KHNYN: variants seen among roughly 807,000 people sequenced by gnomAD.
KHNYN encodes protein KHNYN.
Under a neutral mutation model 62.7 loss-of-function variants are expected in KHNYN, and 42 were observed. That is an observed-to-expected ratio of 0.67 (90% CI 0.52 to 0.87). The LOEUF (loss-of-function observed/expected upper bound fraction) is 0.87, where lower values mean the gene tolerates loss of function less well. Among genes scored for constraint, KHNYN ranks in the 40% least tolerant of loss-of-function variants. The pLI is 0.00. For synonymous variants in KHNYN, 347 were observed against 345.6 expected, an observed-to-expected ratio of 1.00 and a Z score of -0.04; for missense variants, 829 against 874.1, an observed-to-expected ratio of 0.95 and a Z score of 0.65.
Position 24,440,609 on chromosome 14 carries a change from A to C in KHNYN, c.*3324A>C. The stretch of plus-strand genomic sequence containing the variant: ...CCCCATGCTGACTTGGCTCTGTAAC[A>C]GAAGTGAGCAGTATGGCTGTCTTTA... On this transcript the variant is annotated 3_prime_UTR_variant, in exon 8 of 8. Coordinates refer to ENST00000553935, the MANE Select transcript of KHNYN (RefSeq NM_015299.3). The C allele has an allele frequency of 7.2e-7, 1 of 1,389,660 alleles. No homozygotes were observed. The highest frequency in any genetic ancestry group is 9.9e-7 in the Non-Finnish European group (1 of 1,010,110). 86.1% of individuals were successfully genotyped at this position (1,389,660 alleles called of 1,614,324 possible).
Position 24,430,735 on chromosome 14 carries a change from C to T in KHNYN, c.5C>T (p.Pro2Leu). Residue 2 changes from proline to leucine, a missense_variant, in exon 2 of 8, where the codon CCT (proline) becomes CTT (leucine). Around this residue, in one of 2 missense-constraint regions of KHNYN, gnomAD observed 559 missense variants for 527.0 expected, o/e 1.06. Transcript: ENST00000553935. M[P>L]TWGARPASPD... The stretch of plus-strand genomic sequence containing the variant: ...CCAGGGCTGGGGGCAGCAGCCATGC[C>T]TACCTGGGGGGCCCGCCCCGCGTCC... The T allele has an allele frequency of 1.3e-6, 2 of 1,562,220 alleles. No homozygotes were observed. Among genetic ancestry groups the T allele is most frequent in the South Asian group, 2.4e-5 (2 of 85,076 alleles).
At position 24,439,568 on chromosome 14, in the gene KHNYN, G is replaced by A. The variant is rs2043261805; in HGVS notation, c.*2283G>A. The A allele has an allele frequency of 6.5e-6, 1 of 152,844 alleles. No individual in the cohort carries two copies. Among genetic ancestry groups the A allele is most frequent in the Non-Finnish European group, 1.5e-5 (1 of 68,564 alleles). The allele number at this position is 152,844 out of a possible 1,614,324, so 9.5% of individuals were successfully genotyped here. The stretch of plus-strand genomic sequence containing the variant: ...AAATGGATCATCATTCTCTCTTCTA[G>A]TGTCTATCTTTATCATAACCTGATG... On this transcript the variant is annotated 3_prime_UTR_variant, in exon 8 of 8. Coordinates refer to ENST00000553935, the MANE Select transcript of KHNYN (RefSeq NM_015299.3).
Position 24,436,494 on chromosome 14 carries a change from T to C in KHNYN, c.1787+5T>C. ...ATTTCTGAAGAAGCCAGCCAGGTAATCAATCCCCTAGACTACTTACAGGCA... is the reference window on the plus strand; with the variant it reads ...ATTTCTGAAGAAGCCAGCCAGGTAACCAATCCCCTAGACTACTTACAGGCA... On this transcript the variant is annotated splice_donor_5th_base_variant and intron_variant, in intron 7 of 7. Transcript: ENST00000553935. The C allele has an allele frequency of 6.2e-7, 1 of 1,608,566 alleles. No individual in the cohort carries two copies.
chr14:24,432,136 T>C lies in KHNYN; in HGVS notation c.875T>C (p.Val292Ala), dbSNP rs772876064. ...EREVALRPQS[V>A]GGGARESAPL... The stretch of plus-strand genomic sequence containing the variant: ...GAAGTGGCCCTCAGGCCACAGTCAG[T>C]GGGTGGAGGGGCAAGGGAGTCAGCA... Residue 292 changes from valine to alanine, a missense_variant, in exon 3 of 8, where the codon GTG becomes GCG. Around this residue, in one of 2 missense-constraint regions of KHNYN, gnomAD observed 559 missense variants for 527.0 expected, o/e 1.06. Coordinates refer to ENST00000553935, the MANE Select transcript of KHNYN (RefSeq NM_015299.3). This position sits in a 1 kb window ranked among gnomAD's most constrained non-coding sequence, Gnocchi z 5.6. 13 of 1,552,218 alleles carry C rather than the reference T, an allele frequency of 8.4e-6. No individual in the cohort carries two copies. In the South Asian group the frequency reaches 1.6e-4, roughly 19 times the overall value.
rs377748721 is a variant in KHNYN, at chr14:24,436,196, G to A, written c.1685+17G>A. On this transcript the variant is annotated intron_variant, in intron 6 of 7. Transcript: ENST00000553935. ...CAGAGAACGGTGAGGGAGCCCTCCCGCTGAGAACTGGGCACAGATGCAGAT... is the reference window on the plus strand; with the variant it reads ...CAGAGAACGGTGAGGGAGCCCTCCCACTGAGAACTGGGCACAGATGCAGAT... 124 of 1,589,212 alleles carry A rather than the reference G, an allele frequency of 7.8e-5. No individual in the cohort carries two copies. Among genetic ancestry groups the A allele is most frequent in the Admixed American group, 1.2e-4 (7 of 59,962 alleles).
At position 24,432,358 on chromosome 14, in the gene KHNYN, C is replaced by T. The variant is rs776180322; in HGVS notation, c.1097C>T (p.Pro366Leu). Residue 366 changes from proline to leucine, a missense_variant, in exon 3 of 8, where the codon CCC becomes CTC. Pro to Leu is a moderately conservative substitution (Grantham distance 98, BLOSUM62 -3). Coordinates refer to ENST00000553935, the MANE Select transcript of KHNYN (RefSeq NM_015299.3). This position sits in a 1 kb window ranked among gnomAD's most constrained non-coding sequence, Gnocchi z 5.6. The part of the protein sequence containing the change: ...RVPSPPPAPE[P>L]PWHCGDRGDC... ...CCCAGCCCTCCACCTGCACCGGAAC[C>T]CCCATGGCACTGTGGAGACCGGGGT... 2 of 1,614,028 alleles carry T rather than the reference C, an allele frequency of 1.2e-6. No individual in the cohort carries two copies. The highest frequency in any genetic ancestry group is 1.7e-6 in the Non-Finnish European group (2 of 1,179,998).
intron 2 of KHNYN, 56 bp downstream of exon 2, chr14:24,430,987 C>T (rs1358464178): frequency 1.3e-6 from 2 of 1,518,894 alleles, no homozygotes; most frequent in Non-Finnish European, 1.8e-6. Flanking sequence ...TCCCCCAGGG[C>T]GGAGGAGAGC....
intron 5 of KHNYN, among the ~76,000 whole-genome samples, chr14:24,433,887 G>C (rs919770128): frequency 6.6e-6 from 1 of 152,228 alleles, no homozygotes; most frequent in Non-Finnish European, 1.5e-5. Context: ...TAGGTGGTGT[G>C]AGAAATGAGC....
Position 24,430,137 on chromosome 14 carries a change from C to T in KHNYN, c.-18+18C>T. The T allele has an allele frequency of 8.1e-6, 8 of 983,720 alleles. No individual in the cohort carries two copies. The highest frequency in any genetic ancestry group is 9.7e-6 in the Non-Finnish European group (8 of 828,918). The allele number at this position is 983,720 out of a possible 1,614,324, so 60.9% of individuals were successfully genotyped here. On this transcript the variant is annotated intron_variant, in intron 1 of 7. Coordinates refer to ENST00000553935, the MANE Select transcript of KHNYN (RefSeq NM_015299.3). ...CGGAGGCGGTAGGCGCGCCCCTCCA[C>T]CGCGCCCGGGAGCGGGGAGCGGGGG...
In KHNYN at chr14:24,440,517, CA is replaced by C. The variant is rs1273737589; in HGVS notation, c.*3233del. The stretch of plus-strand genomic sequence containing the variant: ...CCTAGAGCAGGAAAGAGGGAAGGTA[CA>C]GGGGTCCTCTCAGCCTTGAAGGAGC... On this transcript the variant is annotated 3_prime_UTR_variant, in exon 8 of 8. Coordinates refer to ENST00000553935, the MANE Select transcript of KHNYN (RefSeq NM_015299.3). 31 of 1,583,894 alleles carry C rather than the reference CA, an allele frequency of 2.0e-5. No homozygotes were observed. The highest frequency in any genetic ancestry group is 2.6e-5 in the Non-Finnish European group (30 of 1,165,206).
At position 24,431,822 on chromosome 14, in the gene KHNYN, G is replaced by C. The variant is rs1307514999; in HGVS notation, c.561G>C (p.Gln187His). The change falls in exon 3 of 8, where the codon CAG (glutamine) becomes CAC (histidine). Residue 187 changes from glutamine (Q) to histidine (H), a missense_variant. This residue lies in a region of KHNYN where 559 missense variants were observed against 527.0 expected (regional missense o/e 1.06). Coordinates refer to ENST00000553935, the MANE Select transcript of KHNYN (RefSeq NM_015299.3). ...EALLQLPLAV[Q>H]EELLSLVQEA... Reference sequence around the variant, plus strand: ...TGTTGCAGTTGCCCCTGGCTGTCCAGGAGGAGCTGCTGAGTCTGGTGCAGG... The same window carrying C: ...TGTTGCAGTTGCCCCTGGCTGTCCACGAGGAGCTGCTGAGTCTGGTGCAGG... 5.0e-6 allele frequency: 8 copies of C among 1,613,938 alleles called. No individual in the cohort carries two copies. The highest frequency in any genetic ancestry group is 2.7e-5 in the African/African-American group (2 of 74,940).
intron 7 of KHNYN, among the ~76,000 whole-genome samples, chr14:24,436,797 A>T (rs2043211676): frequency 6.6e-6 from 1 of 152,144 alleles, no homozygotes; most frequent in Non-Finnish European, 1.5e-5. Flanking sequence ...TACATAAGTG[A>T]TTCATTTAGG....
At position 24,438,971 on chromosome 14, in the gene KHNYN, C is replaced by T. The variant is rs1213532762; in HGVS notation, c.*1686C>T. On this transcript the variant is annotated 3_prime_UTR_variant, in exon 8 of 8. Coordinates refer to ENST00000553935, the MANE Select transcript of KHNYN (RefSeq NM_015299.3). ...TCACCCCTTCCTTTTTGGTGATTTACACCACTGTACCATACTGACCCAGGC... is the reference window on the plus strand; with the variant it reads ...TCACCCCTTCCTTTTTGGTGATTTATACCACTGTACCATACTGACCCAGGC... 2 of 152,040 alleles carry T rather than the reference C, an allele frequency of 1.3e-5. No individual in the cohort carries two copies. The highest frequency in any genetic ancestry group is 2.4e-5 in the African/African-American group (1 of 41,384). 9.4% of individuals were successfully genotyped at this position (152,040 alleles called of 1,614,324 possible).
upstream of KHNYN, chr14:24,427,730 A>G (rs2043033844): frequency 6.6e-7 from 1 of 1,513,648 alleles, no homozygotes. This position sits in a 1 kb window ranked among gnomAD's most constrained non-coding sequence, Gnocchi z 4.4. Context: ...TTCTGGGGCA[A>G]GAGAGGGCAG....
Position 24,440,903 on chromosome 14 carries a change from C to T in KHNYN, c.*3618C>T. 6.2e-7 allele frequency: 1 copy of T among 1,614,044 alleles called. No homozygotes were observed. On this transcript the variant is annotated 3_prime_UTR_variant, in exon 8 of 8. Transcript: ENST00000553935. ...CCTGGGCTGTCTTCATCATACTCCG[C>T]AGTCAGACTGGGCTGGTAGTAAGCT... is the stretch of plus-strand genomic sequence containing the variant.
Position 24,441,773 on chromosome 14 carries a change from C to G in KHNYN, c.*4488C>G. The G allele has an allele frequency of 6.2e-7, 1 of 1,604,744 alleles. No individual in the cohort carries two copies. Among genetic ancestry groups the G allele is most frequent in the Non-Finnish European group, 8.5e-7 (1 of 1,177,080 alleles). On this transcript the variant is annotated 3_prime_UTR_variant, in exon 8 of 8. Transcript: ENST00000553935. ...GTCTCTAGGCGGCTGCCGATTACCT[C>G]TTTTTGGAAGGTTTCATTCCATCTG...
upstream of KHNYN, chr14:24,428,452 G>T (rs1242091976): frequency 6.2e-7 from 1 of 1,608,668 alleles, no homozygotes; most frequent in South Asian, 1.1e-5. Flanking sequence ...AATGCCCATG[G>T]CTCAGGGGTA....
chr14:24,431,304 A>C (rs1010932076), intron 2 of KHNYN, among the ~76,000 whole-genome samples, 159 bp from the exon 3 acceptor site: 4 of 152,152 alleles, frequency 2.6e-5, no homozygotes, highest in Non-Finnish European at 5.9e-5. Flanking sequence ...ATCATGTACC[A>C]GCTTTGTGAT....
At chr14:24,423,565 C>T in the KHNYN span, among the ~76,000 whole-genome samples, 1 of 152,178 alleles carries the variant, frequency 6.6e-6, no homozygotes, top group Non-Finnish European at 1.5e-5. Flanking sequence ...CTGCCGCTGA[C>T]CATGGGCCAT....
Sources: gnomAD v4.1 joint callset for allele counts (sites outside exome capture counted in the v4.1 genomes callset) on GRCh38, gnomAD v4.1.1 for gene constraint, gnomAD v4.1.1 regional missense constraint, Gnocchi (gnomAD v3.1) non-coding constraint, MANE v1.5 for transcripts, NCBI Gene and HGNC (gene_info 2026-07-23, HGNC 2026-07-21) for gene names.